The following CDON variants were observed in gnomAD, a reference collection of about 807,000 sequenced individuals.
CDON encodes the protein cell adhesion associated, oncogene regulated.
In CDON, 73 loss-of-function variants were observed where a neutral mutation model predicts 120.9. That is an observed-to-expected ratio of 0.60 (90% confidence interval 0.50 to 0.73). CDON has a LOEUF of 0.73. CDON is among the 30% of genes least tolerant of loss of function. The pLI, the probability that CDON is intolerant of heterozygous loss-of-function variation, is 0.00. For missense variants in CDON, 1,470 were observed against 1,587.3 expected, an observed-to-expected ratio of 0.93 and a Z score of 1.26; for synonymous variants, 566 against 573.5, an observed-to-expected ratio of 0.99 and a Z score of 0.19.
At chr11:126,044,749 A>G (rs1241459987) in intron 1 of CDON, among the ~76,000 whole-genome samples, 7 of 152,210 alleles carry the variant, frequency 4.6e-5, no homozygotes, top group Admixed American at 4.6e-4. Flanking sequence ...TCAGAAGGGC[A>G]GCAGGGAGGT....
At chr11:125,997,957 T>C (rs939573045) in intron 11 of CDON, among the ~76,000 whole-genome samples, 3 of 152,124 alleles carry the variant, frequency 2.0e-5, no homozygotes, top group Admixed American at 6.5e-5. Context: ...ATAAAATCAA[T>C]ACTGTTAATA....
At chr11:125,971,871 T>C (rs1015792015) in intron 18 of CDON, among the ~76,000 whole-genome samples, 1 of 152,226 alleles carries the variant, frequency 6.6e-6, no homozygotes, top group Non-Finnish European at 1.5e-5. Flanking sequence ...CCCTTTCCAT[T>C]AAACTAGCCA....
chr11:126,046,519 A>C (rs2134874117), intron 1 of CDON, among the ~76,000 whole-genome samples: 1 of 152,358 alleles, frequency 6.6e-6, no homozygotes. Context: ...ATTTTTAAAA[A>C]TATTTAAGAC....
At position 125,997,239 on chromosome 11, in the gene CDON, T is replaced by G. The variant is rs189366163; in HGVS notation, c.2330A>C (p.Lys777Thr). The G allele has an allele frequency of 3.1e-6, 5 of 1,613,960 alleles. No homozygotes were observed. The Admixed American group carries it at 8.3e-5, about 27-fold the overall frequency. Reference protein sequence around the residue: ...LVAAEDIPPSKLSVEVRSLEP... With the variant: ...LVAAEDIPPSTLSVEVRSLEP... ...TAAACTACGAACTTCCACTGAAAGT[T>G]TGGAAGGAGGGATGTCTTCAGCTGC... is the stretch of plus-strand genomic sequence containing the variant. Residue 777 changes from lysine (K) to threonine (T), a missense_variant, in exon 12 of 20, where the codon AAA becomes ACA. Coordinates refer to ENST00000531738, the MANE Select transcript of CDON (RefSeq NM_001378964.1).
chr11:126,022,486 G>A (rs910133056), intron 2 of CDON, among the ~76,000 whole-genome samples: 6 of 152,212 alleles, frequency 3.9e-5, no homozygotes, highest in Non-Finnish European at 8.8e-5. Context: ...AGGCGAGGGT[G>A]TTCTTGCACT....
intron 14 of CDON, among the ~76,000 whole-genome samples, chr11:125,990,835 G>A (rs908000023): frequency 6.6e-6 from 1 of 151,890 alleles, no homozygotes; most frequent in Non-Finnish European, 1.5e-5. Flanking sequence ...CGTTTTTTAA[G>A]GAAGAAAATC....
chr11:126,019,051 T>C (rs1339251201), intron 4 of CDON, among the ~76,000 whole-genome samples: 3 of 152,190 alleles, frequency 2.0e-5, no homozygotes, highest in African/African-American at 4.8e-5. Context: ...TGCTTTGACT[T>C]TGGCAAACCT....
At chr11:126,053,004 G>A (rs150554071) in intron 1 of CDON, among the ~76,000 whole-genome samples, 3 of 152,164 alleles carry the variant, frequency 2.0e-5, no homozygotes, top group East Asian at 3.9e-4. Flanking sequence ...AGGCAATAGG[G>A]GGTGTCATGT....
intron 9 of CDON, chr11:126,004,277 T>G: frequency 3.2e-6 from 2 of 618,332 alleles, no homozygotes; most frequent in Non-Finnish European, 5.7e-6. Flanking sequence ...CAATTCTCAC[T>G]GTAGAAAGAC....
intron 1 of CDON, among the ~76,000 whole-genome samples, chr11:126,039,692 T>G (rs1341203586): frequency 6.6e-6 from 1 of 152,204 alleles, no homozygotes; most frequent in East Asian, 1.9e-4. Flanking sequence ...TCATCCTCAG[T>G]GTCAGCCAAT....
intron 14 of CDON, among the ~76,000 whole-genome samples, chr11:125,992,287 G>A (rs7933059): frequency 0.029 from 4,449 of 152,052 alleles, 235 homozygotes; most frequent in African/African-American, 0.1. Context: ...TAAAAGTAAT[G>A]GCAAAGACCG....
Position 125,984,230 on chromosome 11 carries a change from T to C in CDON, c.2774-137A>G, listed in dbSNP as rs1333991598. 1.6e-5 allele frequency: 11 copies of C among 694,896 alleles called. No individual in the cohort carries two copies. In the Admixed American group the frequency reaches 2.2e-4, roughly 14 times the overall value. 43.0% of individuals were successfully genotyped at this position (694,896 alleles called of 1,614,324 possible). A position where few individuals can be genotyped will look rare whatever the true frequency, so the allele number is the denominator to read the frequency against. On this transcript the variant is annotated intron_variant, in intron 15 of 19. Coordinates refer to ENST00000531738, the MANE Select transcript of CDON (RefSeq NM_001378964.1). ...GTTACTGAGATGACCTGACCACCAATGAGTCACAAAGAGGGCTCCAAAGTT... is the reference window on the plus strand; with the variant it reads ...GTTACTGAGATGACCTGACCACCAACGAGTCACAAAGAGGGCTCCAAAGTT...
At chr11:126,007,314 G>A (rs1226306509) in intron 8 of CDON, among the ~76,000 whole-genome samples, 2 of 152,150 alleles carry the variant, frequency 1.3e-5, no homozygotes, top group African/African-American at 2.4e-5. Context: ...AGAGAGAAAG[G>A]GTGTCCCAGA....
intron 7 of CDON, among the ~76,000 whole-genome samples, chr11:126,011,822 C>T (rs575454300): frequency 1.2e-4 from 18 of 152,300 alleles, no homozygotes; most frequent in African/African-American, 4.3e-4. Context: ...CCTTTTTCAT[C>T]TCGTCTTTCA....
chr11:125,998,512 T>G (rs1452690871), intron 11 of CDON, among the ~76,000 whole-genome samples: 3 of 152,172 alleles, frequency 2.0e-5, no homozygotes, highest in African/African-American at 7.2e-5. Flanking sequence ...GAGGCCTCAC[T>G]GGAAGCCAAG....
chr11:125,980,961 A>G (rs1057495988), intron 17 of CDON, 88 bp downstream of exon 17: 39 of 1,363,644 alleles, frequency 2.9e-5, no homozygotes, highest in Non-Finnish European at 3.8e-5. Context: ...AGGTTTCTAT[A>G]CTGAACAAAG....
At chr11:125,984,428 G>A in intron 15 of CDON, among the ~76,000 whole-genome samples, 1 of 152,224 alleles carries the variant, frequency 6.6e-6, no homozygotes, top group Admixed American at 6.5e-5. Context: ...CGGGCGTGGT[G>A]GCTCACGCCT....
intron 1 of CDON, among the ~76,000 whole-genome samples, chr11:126,046,603 G>A (rs1039317885): frequency 6.6e-5 from 10 of 152,196 alleles, no homozygotes; most frequent in Non-Finnish European, 1.3e-4. Context: ...GAAAAAGGGC[G>A]ACGGTGGCCC....
intron 8 of CDON, among the ~76,000 whole-genome samples, chr11:126,009,927 T>C (rs964856511): frequency 5.9e-5 from 9 of 152,184 alleles, no homozygotes; most frequent in Middle Eastern, 3.2e-3. Context: ...AGGGAATATA[T>C]ACATACAGGT....
Sources: allele counts gnomAD v4.1 joint callset (sites outside exome capture counted in the v4.1 genomes callset), GRCh38; gene constraint gnomAD v4.1.1; transcripts MANE v1.5; gene names NCBI Gene and HGNC (gene_info 2026-07-23, HGNC 2026-07-21).